Variants in SCIMP observed in about 807,000 individuals in gnomAD.
SCIMP encodes SLP adaptor and CSK interacting membrane protein, also known as SLP adapter and CSK-interacting membrane protein.
A neutral mutation model predicts 22.0 loss-of-function variants in SCIMP; 18 were observed. The observed-to-expected ratio is 0.82, with a 90% CI of 0.56 to 1.21. The LOEUF is 1.21. Among genes scored for constraint, SCIMP ranks in the 50% most tolerant of loss-of-function variants. The probability of loss-of-function intolerance (pLI) is 0.00; values close to 1 mark genes in which losing one functional copy is unlikely to be tolerated. For synonymous variants in SCIMP, 53 were observed against 62.2 expected, an observed-to-expected ratio of 0.85 and a Z score of 0.70; for missense variants, 155 against 171.2, an observed-to-expected ratio of 0.91 and a Z score of 0.53.
chr17:5,223,098 G>A (rs2074620488), intron 2 of SCIMP, among the ~76,000 whole-genome samples: 1 of 152,184 alleles, frequency 6.6e-6, no homozygotes, highest in East Asian at 1.9e-4. Flanking sequence ...GATTAGGGCT[G>A]GAAGGGCTCT....
chr17:5,222,957 G>A (rs758057627), intron 2 of SCIMP, among the ~76,000 whole-genome samples: 2 of 152,218 alleles, frequency 1.3e-5, no homozygotes, highest in East Asian at 1.9e-4. Context: ...GAGCCACCAC[G>A]CCCAGCCGAG....
chr17:5,228,377 C>T (rs1023514158), intron 1 of SCIMP, among the ~76,000 whole-genome samples: 2 of 146,698 alleles, frequency 1.4e-5, no homozygotes, highest in Non-Finnish European at 3.0e-5. Flanking sequence ...AGCACAGTGG[C>T]TCACACCTGT....
rs987754722 is a variant in SCIMP at position 5,209,393 on chromosome 17, C to T, written c.*1408G>A. The T allele has an allele frequency of 1.3e-5, 2 of 152,190 alleles. No individual in the cohort carries two copies. The highest frequency in any genetic ancestry group is 2.4e-5 in the African/African-American group (1 of 41,408). 9.4% of individuals were successfully genotyped at this position (152,190 alleles called of 1,614,324 possible). A position where few individuals can be genotyped will look rare whatever the true frequency, so the allele number is the denominator to read the frequency against. ...AGGTGATCCGCCCACCTTGGCCTCC[C>T]AAGGAGGTATTAATAGCAAGGTGGA... On this transcript the variant is annotated 3_prime_UTR_variant, in exon 5 of 5. Coordinates refer to ENST00000574081, the MANE Select transcript of SCIMP (RefSeq NM_207103.3).
intron 4 of SCIMP, chr17:5,213,255 A>G (rs1301304125): frequency 7.4e-6 from 7 of 945,364 alleles, no homozygotes; most frequent in South Asian, 4.9e-5. Flanking sequence ...TTGCTTTTCC[A>G]TCCCTTTTTT....
chr17:5,226,190 CA>C (rs1275468094), intron 1 of SCIMP, among the ~76,000 whole-genome samples: 1 of 152,146 alleles, frequency 6.6e-6, no homozygotes, highest in Non-Finnish European at 1.5e-5. Flanking sequence ...GGCGGGAAGA[CA>C]GGGGCTGTTG....
At position 5,223,335 on chromosome 17, in the gene SCIMP, C is replaced by T. The variant is rs201982608; in HGVS notation, c.143G>A (p.Arg48Gln). Residue 48 changes from arginine to glutamine, a missense_variant and splice_region_variant, in exon 2 of 5, where the codon CGA becomes CAA. Physicochemically the swap from Arg to Gln is conservative, Grantham distance 43. Transcript: ENST00000574081. ...TGCCTAGGTAAAATGGCCATTACCT[C>T]GTCTAAGCTGCCACTTACAGACACA... is the stretch of plus-strand genomic sequence containing the variant. ...LYCVCKWQLRRGKKWEIAKPL... is the reference protein window; with the variant it reads ...LYCVCKWQLRQGKKWEIAKPL... 93 of 1,613,768 alleles carry T rather than the reference C, an allele frequency of 5.8e-5. No individual in the cohort carries two copies. In the East Asian group the frequency reaches 1.8e-3, roughly 32 times the overall value.
At chr17:5,212,593 C>T (rs2074533764) in intron 4 of SCIMP, among the ~76,000 whole-genome samples, 1 of 152,072 alleles carries the variant, frequency 6.6e-6, no homozygotes, top group Non-Finnish European at 1.5e-5. Context: ...GAGATTGCGC[C>T]ACTGCACTCC....
chr17:5,215,448 AC>A (rs1416074370), intron 3 of SCIMP, among the ~76,000 whole-genome samples: 1 of 152,072 alleles, frequency 6.6e-6, no homozygotes, highest in Non-Finnish European at 1.5e-5. Flanking sequence ...CCCTGTCTCT[AC>A]TTAAAAATAC....
At position 5,210,672 on chromosome 17, in the gene SCIMP, A is replaced by G; in HGVS notation, c.*129T>C. 1 of 1,266,346 alleles carries G rather than the reference A, an allele frequency of 7.9e-7. No homozygotes were observed. 78.4% of individuals were successfully genotyped at this position (1,266,346 alleles called of 1,614,324 possible). ...TAAGGTTTGGGAAGTGCTTTATCTTATAGAGCTTCATAAAATCACCACTGG... is the reference window on the plus strand; with the variant it reads ...TAAGGTTTGGGAAGTGCTTTATCTTGTAGAGCTTCATAAAATCACCACTGG... On this transcript the variant is annotated 3_prime_UTR_variant, in exon 5 of 5. Transcript: ENST00000574081.
At position 5,221,284 on chromosome 17, in the gene SCIMP, T is replaced by C. The variant is rs2074605526; in HGVS notation, c.209+3A>G. 6.2e-7 allele frequency: 1 copy of C among 1,609,446 alleles called. No homozygotes were observed. The highest frequency in any genetic ancestry group is 8.5e-7 in the Non-Finnish European group (1 of 1,175,894). On this transcript the variant is annotated splice_donor_region_variant and intron_variant, in intron 3 of 4. Transcript: ENST00000574081. ...AAAAGCGGAAGGATTCCCCCCTACTTACTCATACATCTTTTCTTCATCTAC... is the reference window on the plus strand; with the variant it reads ...AAAAGCGGAAGGATTCCCCCCTACTCACTCATACATCTTTTCTTCATCTAC...
At chr17:5,217,498 A>G (rs150172730) in intron 3 of SCIMP, among the ~76,000 whole-genome samples, 6,112 of 151,112 alleles carry the variant, frequency 0.04, 418 homozygotes, top group African/African-American at 0.14. Flanking sequence ...TGCCATGTTG[A>G]TGTGCTGCAC....
At chr17:5,232,393 TAAACAGTATAAACAGTGC>T (rs201691621) in intron 1 of SCIMP, among the ~76,000 whole-genome samples, 14 of 151,752 alleles carry the variant, frequency 9.2e-5, no homozygotes, top group East Asian at 7.8e-4. Flanking sequence ...CAGTGCAGTA[TAAACAGTATAAACAGTGC>T]AAACAGTGCA....
chr17:5,216,151 A>G (rs940173248), intron 3 of SCIMP, among the ~76,000 whole-genome samples: 2 of 152,116 alleles, frequency 1.3e-5, no homozygotes, highest in Non-Finnish European at 2.9e-5. Flanking sequence ...ACAGTGAGCT[A>G]TGATTGCACC....
At chr17:5,225,298 C>T (rs923415594) in intron 1 of SCIMP, among the ~76,000 whole-genome samples, 2 of 152,172 alleles carry the variant, frequency 1.3e-5, no homozygotes, top group Admixed American at 6.5e-5. Context: ...AACCCTGTCT[C>T]TACTAAAAAT....
chr17:5,229,289 T>A (rs2074675246), intron 1 of SCIMP, among the ~76,000 whole-genome samples: 1 of 151,912 alleles, frequency 6.6e-6, no homozygotes, highest in African/African-American at 2.4e-5. Context: ...CACATCAGCT[T>A]CACTTTCATT....
chr17:5,223,498 A>T (rs2074623871), intron 1 of SCIMP, 42 bp from the exon 2 acceptor site: 1 of 1,607,526 alleles, frequency 6.2e-7, no homozygotes, highest in Non-Finnish European at 8.5e-7. Context: ...TGAATGAAAG[A>T]TATCCTGGGG....
intron 3 of SCIMP, among the ~76,000 whole-genome samples, chr17:5,215,975 A>G (rs1013339715): frequency 6.6e-6 from 1 of 151,348 alleles, no homozygotes; most frequent in Admixed American, 6.6e-5. Context: ...GGATGGCTTG[A>G]GCCCAGGGGT....
chr17:5,218,001 A>G (rs184392219), intron 3 of SCIMP, among the ~76,000 whole-genome samples: 3 of 152,070 alleles, frequency 2.0e-5, no homozygotes, highest in East Asian at 1.9e-4. Flanking sequence ...GACTTCCACA[A>G]TGGTTGAACT....
intron 1 of SCIMP, among the ~76,000 whole-genome samples, chr17:5,224,636 T>C (rs968759723): frequency 6.6e-6 from 1 of 151,774 alleles, no homozygotes; most frequent in Non-Finnish European, 1.5e-5. Flanking sequence ...TTTATATTTT[T>C]AGTAGAGACG....
Sources: allele counts gnomAD v4.1 joint callset (sites outside exome capture counted in the v4.1 genomes callset), GRCh38; gene constraint gnomAD v4.1.1; transcripts MANE v1.5; gene names NCBI Gene and HGNC (gene_info 2026-07-23, HGNC 2026-07-21).